The following NR3C2 variants were observed in gnomAD, a reference collection of about 807,000 sequenced individuals.
NR3C2 encodes nuclear receptor subfamily 3 group C member 2.
In NR3C2, 15 loss-of-function variants were observed where a neutral mutation model predicts 86.4. The ratio of observed to expected loss-of-function variants is 0.17; its 90% CI spans 0.12 to 0.27. The LOEUF (loss-of-function observed/expected upper bound fraction) is 0.27, where lower values mean the gene tolerates loss of function less well. Ranked by LOEUF, NR3C2 falls within the 10% of genes least tolerant of loss-of-function variation. The probability of loss-of-function intolerance (pLI) is 1.00; values close to 1 mark genes in which losing one functional copy is unlikely to be tolerated. For missense variants in NR3C2, 960 were observed against 1,195.6 expected, an observed-to-expected ratio of 0.80 and a Z score of 2.91; for synonymous variants, 458 against 450.5, an observed-to-expected ratio of 1.02 and a Z score of -0.21.
chr4:148,429,702 C>A (rs972879742), intron 2 of NR3C2, among the ~76,000 whole-genome samples: 3 of 152,152 alleles, frequency 2.0e-5, no homozygotes, highest in Non-Finnish European at 4.4e-5. Context: ...AAACCAGAGA[C>A]CCTAATGTTT....
chr4:148,179,557 G>A (rs796935441), intron 4 of NR3C2, among the ~76,000 whole-genome samples: 4 of 151,792 alleles, frequency 2.6e-5, no homozygotes, highest in African/African-American at 9.6e-5. Flanking sequence ...TTTCTGGGGA[G>A]GGATGAACAT....
At position 148,106,626 on chromosome 4, in the gene NR3C2, A is replaced by G. The variant is rs139261259; in HGVS notation, c.2799+7478T>C. 1.7e-3 allele frequency among the ~76,000 whole-genome samples: 262 copies of G among 152,366 alleles called. 1 individual carries two copies. Among genetic ancestry groups the G allele is most frequent in the Middle Eastern group, 0.01 (3 of 294 alleles). On this transcript the variant is annotated intron_variant, in intron 8 of 8. Transcript: ENST00000358102. ...TGAATTCAAACTATACTACAAGGCTACAGTAACCAAAACAGCATGGTACTG... is the reference window on the plus strand; with the variant it reads ...TGAATTCAAACTATACTACAAGGCTGCAGTAACCAAAACAGCATGGTACTG...
intron 2 of NR3C2, among the ~76,000 whole-genome samples, chr4:148,362,303 T>C (rs1299799939): frequency 6.6e-6 from 1 of 152,186 alleles, no homozygotes; most frequent in Non-Finnish European, 1.5e-5. Flanking sequence ...TACAGTTTCA[T>C]ATAGAAGGAG....
chr4:148,360,026 A>G (rs1476855820), intron 2 of NR3C2, among the ~76,000 whole-genome samples: 2 of 152,178 alleles, frequency 1.3e-5, no homozygotes, highest in Non-Finnish European at 2.9e-5. Flanking sequence ...AAGGTAGCAG[A>G]ACAAAGTGAA....
rs1332783646 is a variant in NR3C2, at chr4:148,081,297, A to T, written c.*47T>A. The T allele has an allele frequency of 1.2e-5, 19 of 1,613,726 alleles. No homozygotes were observed. The highest frequency in any genetic ancestry group is 1.6e-5 in the Non-Finnish European group (19 of 1,179,660). ...TTTTCTTGGGTCCTTCTGGGTGTGG[A>T]ACAACACAGGGAAACTTAAGGCAAA... is the stretch of plus-strand genomic sequence containing the variant. On this transcript the variant is annotated 3_prime_UTR_variant, in exon 9 of 9. Transcript: ENST00000358102.
intron 3 of NR3C2, among the ~76,000 whole-genome samples, chr4:148,257,967 T>C (rs1739910401): frequency 6.6e-6 from 1 of 152,204 alleles, no homozygotes; most frequent in East Asian, 1.9e-4. Context: ...ATTTAGGTTT[T>C]TGTATGTTTA....
chr4:148,118,938 T>C (rs1032787778), intron 7 of NR3C2, among the ~76,000 whole-genome samples: 2 of 152,180 alleles, frequency 1.3e-5, no homozygotes, highest in Non-Finnish European at 2.9e-5. Context: ...CAGGTCTCTG[T>C]GCTTCCAGTT....
At chr4:148,120,056 T>C (rs1407706977) in intron 7 of NR3C2, 102 bp downstream of exon 7, 2 of 1,499,014 alleles carry the variant, frequency 1.3e-6, no homozygotes, top group East Asian at 4.5e-5. Context: ...TGGTTTGTTT[T>C]TGTTTTGGTA....
chr4:148,193,199 G>A (rs1226358417), intron 4 of NR3C2, among the ~76,000 whole-genome samples: 1 of 152,162 alleles, frequency 6.6e-6, no homozygotes, highest in Non-Finnish European at 1.5e-5. Flanking sequence ...TCTCTAAGTT[G>A]ACTCAGCTCC....
At chr4:148,145,823 C>A (rs1391121239) in intron 6 of NR3C2, among the ~76,000 whole-genome samples, 1 of 151,948 alleles carries the variant, frequency 6.6e-6, no homozygotes, top group Non-Finnish European at 1.5e-5. Flanking sequence ...TTCCCTCATA[C>A]TTACCCAGAA....
At chr4:148,187,692 C>G (rs1735994170) in intron 4 of NR3C2, among the ~76,000 whole-genome samples, 1 of 152,044 alleles carries the variant, frequency 6.6e-6, no homozygotes, top group South Asian at 2.1e-4. Context: ...GCTGACTGTT[C>G]CTTTCGCTGT....
At chr4:148,444,765 C>T, upstream of NR3C2, 1 of 984,840 alleles carries the variant, frequency 1.0e-6, no homozygotes, top group East Asian at 1.1e-4. Context: ...GACGCGGGCA[C>T]CCGCCCGCCC....
chr4:148,435,267 T>C lies in NR3C2; in HGVS notation c.1594A>G (p.Thr532Ala). 6.2e-7 allele frequency: 1 copy of C among 1,614,188 alleles called. No homozygotes were observed. The change falls in exon 2 of 9, where the codon ACA (threonine) becomes GCA (alanine). Residue 532 changes from threonine (T) to alanine (A), a missense_variant. Physicochemically the swap from Thr to Ala is moderately conservative, Grantham distance 58 (BLOSUM62 0). Transcript: ENST00000358102. ...CTAGCCGATCGTGATAAAGATATTG[T>C]ACCTTGAGCACCAATCCTGTAGTGG... ...SFHYRIGAQG[T>A]ISLSRSARDQ... is the part of the protein sequence containing the mutation.
At chr4:148,126,541 A>G (rs952658748) in intron 6 of NR3C2, among the ~76,000 whole-genome samples, 3 of 152,240 alleles carry the variant, frequency 2.0e-5, no homozygotes, top group African/African-American at 7.2e-5. Context: ...GTAGAACATG[A>G]GAACGGAACA....
intron 2 of NR3C2, among the ~76,000 whole-genome samples, chr4:148,315,145 T>G (rs540821762): frequency 3.9e-5 from 6 of 152,368 alleles, no homozygotes; most frequent in South Asian, 4.1e-4. Flanking sequence ...CCTCCTACAC[T>G]GACGGCTCAC....
intron 3 of NR3C2, among the ~76,000 whole-genome samples, chr4:148,195,976 T>C (rs1736422985): frequency 6.6e-6 from 1 of 152,184 alleles, no homozygotes; most frequent in Admixed American, 6.5e-5. Flanking sequence ...TGATATGATT[T>C]ACATTTCACA....
chr4:148,250,753 C>T (rs962950706), intron 3 of NR3C2, among the ~76,000 whole-genome samples: 2 of 152,178 alleles, frequency 1.3e-5, no homozygotes, highest in Non-Finnish European at 2.9e-5. Flanking sequence ...TCTGAAGCCT[C>T]AGTAGTTCTA....
intron 7 of NR3C2, among the ~76,000 whole-genome samples, chr4:148,118,201 C>T (rs1323166551): frequency 6.6e-6 from 1 of 152,160 alleles, no homozygotes; most frequent in East Asian, 1.9e-4. Context: ...CACTTTATGC[C>T]ACTAACTTCT....
At chr4:148,333,769 A>C (rs1271871375) in intron 2 of NR3C2, among the ~76,000 whole-genome samples, 1 of 152,190 alleles carries the variant, frequency 6.6e-6, no homozygotes, top group African/African-American at 2.4e-5. Context: ...AGTTTTTGTC[A>C]CAAGAACAGA....
Sources: gnomAD v4.1 joint callset for allele counts (sites outside exome capture counted in the v4.1 genomes callset) on GRCh38, gnomAD v4.1.1 for gene constraint, MANE v1.5 for transcripts, NCBI Gene and HGNC (gene_info 2026-07-23, HGNC 2026-07-21) for gene names.